TDRD12: variants seen among roughly 807,000 people sequenced by gnomAD.
TDRD12 encodes the protein putative ATP-dependent RNA helicase TDRD12.
A neutral mutation model predicts 133.5 loss-of-function variants in TDRD12; 158 were observed. The ratio of observed to expected loss-of-function variants is 1.18; its 90% confidence interval spans 1.04 to 1.35. The LOEUF (loss-of-function observed/expected upper bound fraction) is 1.35. Ranked by LOEUF, TDRD12 falls within the 40% of genes most tolerant of loss-of-function variation. The pLI is 0.00. For synonymous variants in TDRD12, 460 were observed against 477.9 expected (o/e 0.96, Z 0.49); for missense variants, 1,443 against 1,321.3 (o/e 1.09, Z -1.43).
At chr19:32,800,088 A>C in intron 16 of TDRD12, 79 bp from the exon 17 acceptor site, 5 of 853,976 alleles carry the variant, frequency 5.9e-6, no homozygotes, top group Non-Finnish European at 8.7e-6. Flanking sequence ...AAATATACAA[A>C]CCCTTACATT....
At chr19:32,743,915 C>T (rs1363282487) in intron 4 of TDRD12, among the ~76,000 whole-genome samples, 1 of 151,378 alleles carries the variant, frequency 6.6e-6, no homozygotes, top group Non-Finnish European at 1.5e-5. Flanking sequence ...GTAATCCCAG[C>T]TACTCAGGAG....
At chr19:32,738,865 G>A in exon 3 of TDRD12, 1 of 1,551,126 alleles carries the variant, frequency 6.4e-7, no homozygotes, top group South Asian at 1.2e-5. Flanking sequence ...GGTGTGTGTG[G>A]TCTATTGTGA....
At chr19:32,820,931 C>A in intron 27 of TDRD12, 102 bp from the exon 28 acceptor site, 1 of 912,814 alleles carries the variant, frequency 1.1e-6, no homozygotes, top group Non-Finnish European at 1.6e-6. Flanking sequence ...GGTCTGACTC[C>A]ACGGCCACAG....
At chr19:32,748,398 T>C (rs1969719854) in intron 4 of TDRD12, 78 bp from the exon 5 acceptor site, 1 of 1,398,928 alleles carries the variant, frequency 7.1e-7, no homozygotes, top group South Asian at 1.3e-5. Context: ...AAATGTCCAG[T>C]GCATGGTTTA....
chr19:32,802,154 T>TATATATG (rs1266782698), intron 19 of TDRD12, among the ~76,000 whole-genome samples: 1 of 143,122 alleles, frequency 7.0e-6, no homozygotes, highest in African/African-American at 2.6e-5. Context: ...TATTATCATA[T>TATATATG]ATATATATGA....
At position 32,802,223 on chromosome 19, in the gene TDRD12, GATC is replaced by G. The variant is rs1210141417; in HGVS notation, c.2197+353_2197+355del. Reference sequence around the variant, plus strand: ...TGATAGTGATCATATATATGATAGTGATCATATATATGATAGTGATATATATGA... The same window carrying G: ...TGATAGTGATCATATATATGATAGTGATATATATGATAGTGATATATATGA... On this transcript the variant is annotated intron_variant, in intron 19 of 27. Coordinates refer to ENST00000444215, the Ensembl canonical transcript of TDRD12. Among the ~76,000 whole-genome samples the G allele has an allele frequency of 6.6e-5, 8 of 121,936 alleles. No homozygotes were observed. In the East Asian group the frequency reaches 1.4e-3, roughly 21 times the overall value. 80.0% of individuals were successfully genotyped at this position (121,936 alleles called of 152,430 possible). A position where few individuals can be genotyped will look rare whatever the true frequency, so the allele number is the denominator to read the frequency against.
At chr19:32,766,275 G>T (rs1419291860) in intron 8 of TDRD12, among the ~76,000 whole-genome samples, 3 of 151,974 alleles carry the variant, frequency 2.0e-5, no homozygotes, top group Non-Finnish European at 4.4e-5. Flanking sequence ...ATATTTATGG[G>T]GTACATGAGA....
intron 1 of TDRD12, among the ~76,000 whole-genome samples, chr19:32,729,442 C>T (rs1968970777): frequency 6.6e-6 from 1 of 151,588 alleles, no homozygotes; most frequent in African/African-American, 2.4e-5. Flanking sequence ...TGGTCTCGAT[C>T]TCCTGACCTC....
chr19:32,736,916 G>A (rs1013910438), intron 2 of TDRD12, among the ~76,000 whole-genome samples: 2 of 152,120 alleles, frequency 1.3e-5, no homozygotes, highest in African/African-American at 4.8e-5. Context: ...ATGAGGTTAT[G>A]TCCTGATAAT....
At position 32,720,108 on chromosome 19, in the gene TDRD12, C is replaced by G; in HGVS notation, c.24+12C>G. 6.5e-7 allele frequency: 1 copy of G among 1,547,488 alleles called. No individual in the cohort carries two copies. The highest frequency in any genetic ancestry group is 1.2e-5 in the South Asian group (1 of 83,974). On this transcript the variant is annotated intron_variant, in intron 1 of 27. Coordinates refer to ENST00000444215, the Ensembl canonical transcript of TDRD12. The stretch of plus-strand genomic sequence containing the variant: ...TCCTGGTGCTGAAGGTGAGCGCCGC[C>G]AAGCCAGACCCACGCCAGACCCACG...
rs148114910 is a variant in TDRD12, at chr19:32,793,603, G to A, written c.1288-1025G>A. ...ACTCTATTGGAACATTTGGGTTTTAGTGACAGTTACATAGAAAAATAAGCA... is the reference window on the plus strand; with the variant it reads ...ACTCTATTGGAACATTTGGGTTTTAATGACAGTTACATAGAAAAATAAGCA... On this transcript the variant is annotated intron_variant, in intron 13 of 27. Transcript: ENST00000444215. Among the ~76,000 whole-genome samples, 13 of 152,170 alleles carry A rather than the reference G, an allele frequency of 8.5e-5. No individual in the cohort carries two copies. In the East Asian group the frequency reaches 2.5e-3, roughly 29 times the overall value.
At chr19:32,800,065 C>T (rs1971341938) in intron 16 of TDRD12, 102 bp from the exon 17 acceptor site, 1 of 750,528 alleles carries the variant, frequency 1.3e-6, no homozygotes, top group South Asian at 2.1e-5. Context: ...ACTTTCTCCA[C>T]TCTGAGAACA....
chr19:32,803,467 C>G (rs1480886110), intron 21 of TDRD12, among the ~76,000 whole-genome samples: 3 of 152,152 alleles, frequency 2.0e-5, no homozygotes, highest in African/African-American at 4.8e-5. Flanking sequence ...GCTCAGTGTT[C>G]TGTTGTATGG....
At chr19:32,786,029 G>A (rs1970898993) in intron 11 of TDRD12, among the ~76,000 whole-genome samples, 1 of 152,124 alleles carries the variant, frequency 6.6e-6, no homozygotes, top group Non-Finnish European at 1.5e-5. Flanking sequence ...TAGTGTCAAT[G>A]GTCTTTACAA....
intron 21 of TDRD12, among the ~76,000 whole-genome samples, chr19:32,805,127 G>C (rs897257755): frequency 6.8e-6 from 1 of 147,946 alleles, no homozygotes; most frequent in Non-Finnish European, 1.5e-5. Flanking sequence ...CAGAGACCCC[G>C]TCTCTTTAAA....
At chr19:32,765,265 A>G (rs1478194905) in intron 8 of TDRD12, among the ~76,000 whole-genome samples, 1 of 152,208 alleles carries the variant, frequency 6.6e-6, no homozygotes, top group African/African-American at 2.4e-5. Flanking sequence ...ATGTGGAGAA[A>G]TAGGAACACT....
intron 8 of TDRD12, among the ~76,000 whole-genome samples, chr19:32,771,009 T>C (rs576366909): frequency 6.6e-6 from 1 of 152,196 alleles, no homozygotes; most frequent in South Asian, 2.1e-4. Flanking sequence ...AGAAAAGAGG[T>C]TTATTTGGCT....
At chr19:32,780,740 A>G (rs1161130030) in intron 11 of TDRD12, among the ~76,000 whole-genome samples, 1 of 151,224 alleles carries the variant, frequency 6.6e-6, no homozygotes, top group Non-Finnish European at 1.5e-5. Context: ...CTGTTTTCAC[A>G]TAGCCTTTTG....
At chr19:32,756,918 A>T (rs1365732793) in intron 7 of TDRD12, 120 bp from the exon 8 acceptor site, 4 of 754,110 alleles carry the variant, frequency 5.3e-6, no homozygotes, top group Non-Finnish European at 9.0e-6. Flanking sequence ...TGTGTCCCCT[A>T]GTCAGGTTTC....
Sources: allele counts gnomAD v4.1 joint callset (sites outside exome capture counted in the v4.1 genomes callset), GRCh38; gene constraint gnomAD v4.1.1; transcripts MANE v1.5; gene names NCBI Gene and HGNC (gene_info 2026-07-23, HGNC 2026-07-21).